ZNF565: variants seen among roughly 807,000 people sequenced by gnomAD.
ZNF565 encodes zinc finger protein 565.
In ZNF565, 27 loss-of-function variants were observed where a neutral mutation model predicts 39.4. The observed-to-expected ratio is 0.69, with a 90% CI of 0.51 to 0.95. The LOEUF is 0.95. ZNF565 is among the 40% of genes least tolerant of loss of function. The pLI is 0.00. For synonymous variants in ZNF565, 185 were observed against 216.6 expected (o/e 0.85, Z 1.28); for missense variants, 524 against 621.1 (o/e 0.84, Z 1.66).
chr19:36,236,464 A>T, intron 1 of ZNF565: 1 of 1,608,614 alleles, frequency 6.2e-7, no homozygotes, highest in Non-Finnish European at 8.5e-7. Flanking sequence ...GCCAGCAGAG[A>T]ATTTACAGTG....
At chr19:36,212,838 G>T (rs764266066) in intron 1 of ZNF565, among the ~76,000 whole-genome samples, 15 of 152,090 alleles carry the variant, frequency 9.9e-5, no homozygotes, top group Non-Finnish European at 2.1e-4. Context: ...GGGTGGTGGT[G>T]GGGTGGTTCT....
At position 36,195,121 on chromosome 19, in the gene ZNF565, G is replaced by T; in HGVS notation, c.45C>A (p.Phe15Leu). ...LVTFRDVAIE[F>L]SLEEWKCLEP... is the part of the protein sequence containing the mutation. ...CCAGGCACTTCCATTCTTCCAGAGA[G>T]AACTCTATGGCCACGTCCCTGAATG... Residue 15 changes from phenylalanine to leucine, a missense_variant, in exon 3 of 5, where the codon TTC becomes TTA. Physicochemically the swap from Phe to Leu is conservative, Grantham distance 22. Coordinates refer to ENST00000304116, the MANE Select transcript of ZNF565 (RefSeq NM_152477.5). 6.2e-7 allele frequency: 1 copy of T among 1,614,128 alleles called. No individual in the cohort carries two copies.
At chr19:36,226,590 G>T (rs1369203247) in intron 1 of ZNF565, among the ~76,000 whole-genome samples, 2 of 151,596 alleles carry the variant, frequency 1.3e-5, no homozygotes, top group African/African-American at 2.4e-5. Flanking sequence ...TTTCCTGAAC[G>T]ATTTGAAACC....
At position 36,194,272 on chromosome 19, in the gene ZNF565, A is replaced by G. The variant is rs1011139836; in HGVS notation, c.193T>C (p.Trp65Arg). The stretch of plus-strand genomic sequence containing the variant: ...CCTGTCACATCATTTGCAATCATCC[A>G]GGGCTCTTTCCCTTGCTCCAATAAG... ...VSLLEQGKEPWMIANDVTGPW... is the reference protein window; with the variant it reads ...VSLLEQGKEPRMIANDVTGPW... Residue 65 changes from tryptophan (W) to arginine (R), a missense_variant, in exon 4 of 5, where the codon TGG (tryptophan) becomes CGG (arginine). Transcript: ENST00000304116. 59 of 1,612,884 alleles carry G rather than the reference A, an allele frequency of 3.7e-5. No homozygotes were observed. Among genetic ancestry groups the G allele is most frequent in the Non-Finnish European group, 4.7e-5 (55 of 1,179,592 alleles).
In ZNF565 at chr19:36,245,648, A is replaced by G. The variant is rs2029893046; in HGVS notation, c.-118T>C. 1 of 690,832 alleles carries G rather than the reference A, an allele frequency of 1.4e-6. No individual in the cohort carries two copies. The highest frequency in any genetic ancestry group is 2.0e-5 in the Admixed American group (1 of 49,386). The allele number at this position is 690,832 out of a possible 1,614,324, so 42.8% of individuals were successfully genotyped here. Reference sequence around the variant, plus strand: ...CACCTGCCCGAATTGGTGCTTTGGCAGAGTCTCTGGTGCCCGGGTGAATGG... The same window carrying G: ...CACCTGCCCGAATTGGTGCTTTGGCGGAGTCTCTGGTGCCCGGGTGAATGG... On this transcript the variant is annotated 5_prime_UTR_variant, in exon 1 of 5. Transcript: ENST00000355114. This position sits in a 1 kb window ranked among gnomAD's most constrained non-coding sequence, Gnocchi z 4.4.
intron 1 of ZNF565, among the ~76,000 whole-genome samples, chr19:36,206,740 G>C (rs945473956): frequency 2.0e-5 from 3 of 152,188 alleles, no homozygotes; most frequent in Non-Finnish European, 2.9e-5. Context: ...GCTGAGGTGA[G>C]AGAATCACTT....
intron 1 of ZNF565, among the ~76,000 whole-genome samples, chr19:36,242,222 G>A (rs1341918986): frequency 1.3e-5 from 2 of 151,936 alleles, no homozygotes; most frequent in Non-Finnish European, 2.9e-5. Flanking sequence ...GACCATCCTG[G>A]CCAACATGGT....
chr19:36,204,924 G>T (rs1445413504), intron 1 of ZNF565, among the ~76,000 whole-genome samples: 3 of 152,064 alleles, frequency 2.0e-5, no homozygotes, highest in African/African-American at 7.2e-5. Context: ...GGAGGCGGAG[G>T]TTGCAGTGAG....
rs1268517499 is a variant in ZNF565, at chr19:36,195,020, A to G, written c.136+10T>C. ...CTTTCCGTCTGGCCCGTGTGATACAATCTCCTTACCTAGTGAGGCCAAGTG... is the reference window on the plus strand; with the variant it reads ...CTTTCCGTCTGGCCCGTGTGATACAGTCTCCTTACCTAGTGAGGCCAAGTG... On this transcript the variant is annotated intron_variant, in intron 3 of 4. Transcript: ENST00000304116. The G allele has an allele frequency of 1.9e-6, 3 of 1,613,980 alleles. No individual in the cohort carries two copies. Among genetic ancestry groups the G allele is most frequent in the Non-Finnish European group, 2.5e-6 (3 of 1,180,006 alleles).
chr19:36,208,761 CCTTAGTAATCT>C (rs1483529472), intron 1 of ZNF565, among the ~76,000 whole-genome samples: 1 of 152,174 alleles, frequency 6.6e-6, no homozygotes, highest in Admixed American at 6.6e-5. Context: ...TCCATCTTAA[CCTTAGTAATCT>C]CTTCCTGAAA....
chr19:36,223,606 G>A (rs937261192), intron 1 of ZNF565, among the ~76,000 whole-genome samples: 3 of 151,858 alleles, frequency 2.0e-5, no homozygotes, highest in Non-Finnish European at 2.9e-5. Context: ...CTCGTGATCC[G>A]CCCGCCTCGG....
At chr19:36,204,107 G>A (rs955402450) in intron 1 of ZNF565, among the ~76,000 whole-genome samples, 1 of 151,204 alleles carries the variant, frequency 6.6e-6, no homozygotes, top group Non-Finnish European at 1.5e-5. Context: ...GCACCACCAC[G>A]CCTGGCTAAT....
At chr19:36,200,848 G>A (rs1376656818) in intron 2 of ZNF565, among the ~76,000 whole-genome samples, 1 of 151,584 alleles carries the variant, frequency 6.6e-6, no homozygotes, top group Admixed American at 6.6e-5. Flanking sequence ...GCAGTGGCGT[G>A]ATCTCTGCTT....
chr19:36,227,164 G>A (rs1977104875), intron 1 of ZNF565, among the ~76,000 whole-genome samples: 1 of 151,890 alleles, frequency 6.6e-6, no homozygotes, highest in African/African-American at 2.4e-5. Flanking sequence ...AGAGGTGGGC[G>A]GATCACCTGA....
intron 1 of ZNF565, among the ~76,000 whole-genome samples, chr19:36,243,874 A>T (rs1339321497): frequency 6.6e-6 from 1 of 151,850 alleles, no homozygotes; most frequent in Non-Finnish European, 1.5e-5. Context: ...GCTACTTTTT[A>T]AAATTTTGTA....
chr19:36,217,275 C>G (rs968922877), upstream of ZNF565, among the ~76,000 whole-genome samples: 1 of 151,578 alleles, frequency 6.6e-6, no homozygotes, highest in Non-Finnish European at 1.5e-5. Context: ...GTTGGCCAGG[C>G]TGGTCTTGAA....
rs754836359 is a variant in ZNF565, at chr19:36,183,261, T to C, written c.705A>G (p.Thr235=). ...GTCTCTGATGTAGAATAAGTTCTGA[T>C]GTACGACCAAAGGCCTTCCCACAGT... The part of the protein sequence containing the change: ...CKDCGKAFGR[T]SELILHQRLH... The change falls in exon 5 of 5, where the codon ACA becomes ACG. Residue 235 remains threonine (T), a synonymous_variant. Coordinates refer to ENST00000304116, the MANE Select transcript of ZNF565 (RefSeq NM_152477.5). 1.2e-6 allele frequency: 2 copies of C among 1,613,826 alleles called. No homozygotes were observed. The highest frequency in any genetic ancestry group is 4.5e-5 in the East Asian group (2 of 44,824).
At chr19:36,239,478 A>G (rs1398784175) in intron 1 of ZNF565, among the ~76,000 whole-genome samples, 1 of 151,352 alleles carries the variant, frequency 6.6e-6, no homozygotes, top group East Asian at 1.9e-4. Flanking sequence ...ACGCACCACT[A>G]TGCTGTGCCA....
chr19:36,218,443 G>C (rs937288135), upstream of ZNF565, among the ~76,000 whole-genome samples: 3 of 151,704 alleles, frequency 2.0e-5, no homozygotes, highest in East Asian at 5.8e-4. Context: ...GAAAGAATAA[G>C]ATATGTAGAT....
Sources: gnomAD v4.1 joint callset for allele counts (sites outside exome capture counted in the v4.1 genomes callset) on GRCh38, gnomAD v4.1.1 for gene constraint, Gnocchi (gnomAD v3.1) non-coding constraint, MANE v1.5 for transcripts, NCBI Gene and HGNC (gene_info 2026-07-23, HGNC 2026-07-21) for gene names.